The following DOCK11 variants were observed in gnomAD, a reference collection of about 807,000 sequenced individuals.
DOCK11 encodes the protein dedicator of cytokinesis 11.
A neutral mutation model predicts 169.1 loss-of-function variants in DOCK11; 70 were observed. The ratio of observed to expected loss-of-function variants is 0.41; its 90% CI spans 0.34 to 0.51. DOCK11 has a LOEUF of 0.51. Among genes scored for constraint, DOCK11 ranks in the 20% least tolerant of loss-of-function variants. DOCK11 has a pLI of 0.10. For synonymous variants in DOCK11, 529 were observed against 541.3 expected, an observed-to-expected ratio of 0.98 and a Z score of 0.32; for missense variants, 1,166 against 1,538.8, an observed-to-expected ratio of 0.76 and a Z score of 4.05.
chrX:118,518,917 G>T (rs1410671358), intron 1 of DOCK11, among the ~76,000 whole-genome samples: 1 of 111,672 alleles, frequency 9.0e-6, no homozygotes, highest in Non-Finnish European at 1.9e-5. Context: ...GCTTAATTTT[G>T]CTGGGAACCT....
intron 13 of DOCK11, among the ~76,000 whole-genome samples, chrX:118,579,711 T>C (rs1312733538): frequency 8.9e-6 from 1 of 111,961 alleles, no homozygotes; most frequent in Admixed American, 9.5e-5. Flanking sequence ...CTCCTTGTCT[T>C]GGGAGTAGAA....
intron 23 of DOCK11, among the ~76,000 whole-genome samples, chrX:118,599,582 T>G (rs2014274260): frequency 8.9e-6 from 1 of 112,290 alleles, no homozygotes; most frequent in Admixed American, 9.4e-5. Context: ...AGGAATGGAA[T>G]CACTTTGACT....
intron 6 of DOCK11, among the ~76,000 whole-genome samples, chrX:118,560,010 T>C (rs190971715): frequency 4.3e-4 from 48 of 111,116 alleles, no homozygotes; most frequent in Admixed American, 1.1e-3. Context: ...GACTCTTTTC[T>C]GTTGATAGCA....
intron 45 of DOCK11, 26 bp downstream of exon 45, chrX:118,662,818 CAGTT>C (rs750254512): frequency 2.3e-6 from 2 of 888,312 alleles, no homozygotes; most frequent in Admixed American, 5.1e-5. Flanking sequence ...CCTGCATTGC[CAGTT>C]ATATAAATTT....
intron 1 of DOCK11, among the ~76,000 whole-genome samples, chrX:118,511,079 C>T (rs1603022200): frequency 8.9e-6 from 1 of 112,088 alleles, no homozygotes; most frequent in Admixed American, 9.4e-5. Context: ...AGCACTCTAT[C>T]GTAGATGTGG....
intron 6 of DOCK11, among the ~76,000 whole-genome samples, chrX:118,550,067 ACAGCTAGAATGGGAATCAGAGGAAGGTT>A (rs1248387307): frequency 4.5e-5 from 5 of 111,820 alleles, no homozygotes; most frequent in African/African-American, 1.6e-4. Flanking sequence ...AGAATTTGTC[ACAGCTAGAATGGGAATCAGAGGAAGGTT>A]CAGCTAGAAC....
chrX:118,550,815 G>T (rs1466273770), intron 6 of DOCK11, among the ~76,000 whole-genome samples: 1 of 112,355 alleles, frequency 8.9e-6, no homozygotes, highest in Non-Finnish European at 1.9e-5. Context: ...ATTGGAAAAG[G>T]CAGAGGCAGA....
At chrX:118,670,879 T>C (rs1469373387) in intron 45 of DOCK11, 144 bp from the exon 46 acceptor site, 4 of 389,661 alleles carry the variant, frequency 1.0e-5, no homozygotes, top group African/African-American at 1.0e-4. Context: ...GAAAATATCG[T>C]CACACAAGTA....
intron 11 of DOCK11, among the ~76,000 whole-genome samples, chrX:118,573,197 C>T (rs1471276240): frequency 8.9e-6 from 1 of 112,534 alleles, no homozygotes; most frequent in Non-Finnish European, 1.9e-5. Context: ...GAGGGATTCT[C>T]TTACAAAATA....
intron 39 of DOCK11, 89 bp from the exon 40 acceptor site, chrX:118,643,368 T>C: frequency 1.1e-6 from 1 of 940,319 alleles, no homozygotes; most frequent in Non-Finnish European, 1.4e-6. Flanking sequence ...TCCTGAAACT[T>C]CCAAACAGTG....
Position 118,647,741 on chromosome X carries a change from TA to T in DOCK11, c.4399-1202del, listed in dbSNP as rs1363877337. The stretch of plus-strand genomic sequence containing the variant: ...ATATAATAATTAATATAATATAATA[TA>T]ATATATAATAATATATAATATATTA... On this transcript the variant is annotated intron_variant, in intron 40 of 52. Coordinates refer to ENST00000276202, the MANE Select transcript of DOCK11 (RefSeq NM_144658.4). Among the ~76,000 whole-genome samples, 10 of 54,350 alleles carry T rather than the reference TA, an allele frequency of 1.8e-4. No individual in the cohort carries two copies. The South Asian group carries it at 3.2e-3, about 17-fold the overall frequency. 47.2% of individuals were successfully genotyped at this position (54,350 alleles called of 115,157 possible).
intron 40 of DOCK11, among the ~76,000 whole-genome samples, chrX:118,647,705 A>AATAAAATAATATATAATAATTAATATAAT (rs1569440518): frequency 1.9e-5 from 1 of 52,973 alleles, no homozygotes; most frequent in African/African-American, 7.8e-5. Flanking sequence ...TATAATATAT[A>AATAAAATAATATATAATAATTAATATAAT]ATAATATAAT....
intron 23 of DOCK11, among the ~76,000 whole-genome samples, chrX:118,603,291 C>T (rs181716415): frequency 1.9e-3 from 213 of 112,615 alleles, no homozygotes; most frequent in African/African-American, 6.3e-3. Flanking sequence ...CCGGGTATGT[C>T]GTAGGCATGG....
intron 6 of DOCK11, among the ~76,000 whole-genome samples, chrX:118,560,286 GTTGGCAAGAACGA>G (rs2012862620): frequency 9.0e-6 from 1 of 111,709 alleles, no homozygotes; most frequent in African/African-American, 3.3e-5. Flanking sequence ...ACGTTAAGTT[GTTGGCAAGAACGA>G]TCTTGCCAAA....
intron 11 of DOCK11, among the ~76,000 whole-genome samples, chrX:118,572,921 C>T (rs2013326381): frequency 8.9e-6 from 1 of 111,835 alleles, no homozygotes; most frequent in African/African-American, 3.2e-5. Context: ...ATGTTTTCTT[C>T]TATGAAATTG....
At chrX:118,631,925 GTT>G (rs2015252894) in intron 35 of DOCK11, among the ~76,000 whole-genome samples, 1 of 110,419 alleles carries the variant, frequency 9.1e-6, no homozygotes. Flanking sequence ...CAAGTCTCTG[GTT>G]GTTATTTTTA....
intron 14 of DOCK11, among the ~76,000 whole-genome samples, chrX:118,582,750 G>A (rs1294807): frequency 0.41 from 44,945 of 110,310 alleles, 7,319 homozygotes; most frequent in African/African-American, 0.56. Context: ...ATGCTAGTTA[G>A]AATGGCGGTC....
chrX:118,518,154 T>A (rs1343093848), intron 1 of DOCK11, among the ~76,000 whole-genome samples: 3 of 112,375 alleles, frequency 2.7e-5, no homozygotes, highest in Non-Finnish European at 5.6e-5. Context: ...TTATTTAAAA[T>A]AATCTTTATA....
Position 118,618,532 on chromosome X carries a change from A to G in DOCK11, c.3293-18A>G. The G allele has an allele frequency of 2.6e-6, 3 of 1,147,663 alleles. No individual in the cohort carries two copies. Among genetic ancestry groups the G allele is most frequent in the Non-Finnish European group, 3.5e-6 (3 of 859,635 alleles). 94.6% of individuals were successfully genotyped at this position (1,147,663 alleles called of 1,213,427 possible). A position where few individuals can be genotyped will look rare whatever the true frequency, so the allele number is the denominator to read the frequency against. ...TGAATATTTTCATAAATGGGTTTTA[A>G]ATTTCATTGTACTGCAGATTCAAAT... is the stretch of plus-strand genomic sequence containing the variant. On this transcript the variant is annotated intron_variant, in intron 30 of 52. Transcript: ENST00000276202.
Sources: allele counts gnomAD v4.1 joint callset (sites outside exome capture counted in the v4.1 genomes callset), GRCh38; gene constraint gnomAD v4.1.1; transcripts MANE v1.5; gene names NCBI Gene and HGNC (gene_info 2026-07-23, HGNC 2026-07-21).